Variants in DPF3 observed in about 807,000 individuals in gnomAD.
The protein encoded by DPF3 is zinc finger protein DPF3.
A neutral mutation model predicts 56.8 loss-of-function variants in DPF3; 18 were observed. The observed-to-expected ratio is 0.32, with a 90% CI of 0.22 to 0.47. DPF3 has a LOEUF of 0.47. DPF3 is among the 20% of genes least tolerant of loss of function. The pLI, the probability that DPF3 is intolerant of heterozygous loss-of-function variation, is 1.00. For missense variants in DPF3, 403 were observed against 488.8 expected (o/e 0.82, Z 1.65); for synonymous variants, 188 against 180.2 (o/e 1.04, Z -0.35).
chr14:72,767,421 T>A (rs531619704), intron 2 of DPF3, among the ~76,000 whole-genome samples: 2 of 152,092 alleles, frequency 1.3e-5, no homozygotes, highest in Non-Finnish European at 2.9e-5. Context: ...TAAAACACAT[T>A]CAGCAAAGAA....
rs1365692311 is a variant in DPF3 at position 72,827,114 on chromosome 14, T to C, written c.33-55221A>G. Among the ~76,000 whole-genome samples the C allele has an allele frequency of 2.0e-4, 7 of 34,666 alleles. No homozygotes were observed. In the East Asian group the frequency reaches 7.0e-3, roughly 35 times the overall value. The allele number at this position is 34,666 out of a possible 152,430, so 22.7% of individuals were successfully genotyped here. A position where few individuals can be genotyped will look rare whatever the true frequency, so the allele number is the denominator to read the frequency against. ...TAGTACAATAGCCTCTGCAAACCAC[T>C]GTATAAGTCCAGCTTCTTTTTCCAT... On this transcript the variant is annotated intron_variant, in intron 1 of 10. Transcript: ENST00000556509.
intron 4 of DPF3, among the ~76,000 whole-genome samples, chr14:72,727,378 C>T (rs1479902088): frequency 6.6e-6 from 1 of 152,134 alleles, no homozygotes; most frequent in African/African-American, 2.4e-5. Flanking sequence ...GAGTTCGAGA[C>T]GAGCCTGGCC....
At chr14:72,775,043 C>T (rs1169299093) in intron 1 of DPF3, among the ~76,000 whole-genome samples, 4 of 152,142 alleles carry the variant, frequency 2.6e-5, no homozygotes, top group Non-Finnish European at 5.9e-5. Flanking sequence ...CCAGCCCCCA[C>T]CCATGAAACA....
chr14:72,766,586 G>T (rs1008573132), intron 2 of DPF3, among the ~76,000 whole-genome samples: 3 of 152,052 alleles, frequency 2.0e-5, no homozygotes, highest in Non-Finnish European at 2.9e-5. Flanking sequence ...CAAGTAGCTG[G>T]GACTACAGGC....
chr14:72,875,681 G>A (rs959760372), intron 1 of DPF3, among the ~76,000 whole-genome samples: 2 of 152,186 alleles, frequency 1.3e-5, no homozygotes, highest in Non-Finnish European at 2.9e-5. Context: ...TACAAAGTGT[G>A]CAAAGCTTAC....
chr14:72,840,799 C>A (rs1368468378), intron 1 of DPF3, among the ~76,000 whole-genome samples: 1 of 152,160 alleles, frequency 6.6e-6, no homozygotes, highest in African/African-American at 2.4e-5. Flanking sequence ...ATGTCCTAAC[C>A]AAAGACCATT....
In DPF3 at chr14:72,881,717, GC is replaced by G. The variant is rs1886333817; in HGVS notation, c.32+12339del. Among the ~76,000 whole-genome samples, 3 of 152,250 alleles carry G rather than the reference GC, an allele frequency of 2.0e-5. No homozygotes were observed. In the South Asian group the frequency reaches 6.2e-4, roughly 32 times the overall value. On this transcript the variant is annotated intron_variant, in intron 1 of 10. Coordinates refer to ENST00000556509, the MANE Select transcript of DPF3 (RefSeq NM_001280542.3). ...AGAGTTAATTAAAAGCAATCTCCAT[GC>G]ACTGCTGAGCCGGCCAGCCCTGATA...
intron 1 of DPF3, among the ~76,000 whole-genome samples, chr14:72,798,851 C>T (rs11623819): frequency 0.19 from 29,340 of 152,210 alleles, 3,554 homozygotes; most frequent in East Asian, 0.27. Context: ...TCCACAATGG[C>T]AGAACCAGGT....
At chr14:72,680,916 T>A (rs1254098316) in intron 7 of DPF3, among the ~76,000 whole-genome samples, 1 of 152,220 alleles carries the variant, frequency 6.6e-6, no homozygotes. Context: ...TCAAGCATTA[T>A]AATCAGGTGA....
At chr14:72,672,060 G>GACAC (rs369762823) in intron 8 of DPF3, among the ~76,000 whole-genome samples, 24 of 133,024 alleles carry the variant, frequency 1.8e-4, no homozygotes, top group African/African-American at 5.0e-4. Flanking sequence ...CACACACACA[G>GACAC]ACACACACAC....
intron 6 of DPF3, among the ~76,000 whole-genome samples, chr14:72,712,307 T>C (rs1320325122): frequency 1.3e-5 from 2 of 152,110 alleles, no homozygotes; most frequent in Non-Finnish European, 2.9e-5. Context: ...GCAAGCACTT[T>C]GCAGAAAGAG....
intron 7 of DPF3, chr14:72,675,852 G>T (rs1385699232): frequency 2.0e-5 from 3 of 152,226 alleles, no homozygotes; most frequent in Non-Finnish European, 4.4e-5. Flanking sequence ...GGTCTGTTCA[G>T]TGTAGGCTTG....
intron 8 of DPF3, among the ~76,000 whole-genome samples, chr14:72,654,678 C>T (rs1317971360): frequency 1.3e-5 from 2 of 152,158 alleles, no homozygotes; most frequent in Non-Finnish European, 2.9e-5. Context: ...ATGGCTTTAA[C>T]AAGTTAATAT....
intron 8 of DPF3, among the ~76,000 whole-genome samples, chr14:72,652,328 G>A (rs1364735891): frequency 6.6e-6 from 1 of 152,156 alleles, no homozygotes; most frequent in Non-Finnish European, 1.5e-5. Flanking sequence ...GTGGTGGTGG[G>A]CTGACTCATT....
At chr14:72,843,348 C>G (rs1431918194) in intron 1 of DPF3, among the ~76,000 whole-genome samples, 5 of 151,804 alleles carry the variant, frequency 3.3e-5, no homozygotes, top group Non-Finnish European at 5.9e-5. Context: ...TTTTGCTTCC[C>G]TTAAAAAAAA....
At chr14:72,824,322 T>G (rs2191821) in intron 1 of DPF3, among the ~76,000 whole-genome samples, 84,678 of 151,916 alleles carry the variant, frequency 0.56, 24,358 homozygotes, top group East Asian at 0.88. Context: ...GACTGGGGCT[T>G]CCAGGACTGG....
chr14:72,733,079 G>A (rs1162425544), intron 3 of DPF3, among the ~76,000 whole-genome samples: 1 of 152,076 alleles, frequency 6.6e-6, no homozygotes, highest in African/African-American at 2.4e-5. Flanking sequence ...TTATAGGCAT[G>A]AGCCACCATC....
intron 8 of DPF3, among the ~76,000 whole-genome samples, chr14:72,657,723 G>T (rs1026885583): frequency 1.8e-4 from 27 of 152,154 alleles, no homozygotes; most frequent in African/African-American, 6.5e-4. Flanking sequence ...CTGGCCAACT[G>T]CTTATTTTTG....
At chr14:72,629,526 CAGGGGCCTA>C in intron 9 of DPF3, 89 bp downstream of exon 9, 1 of 1,197,428 alleles carries the variant, frequency 8.4e-7, no homozygotes, top group Non-Finnish European at 1.2e-6. Flanking sequence ...TAACAGGCCC[CAGGGGCCTA>C]GTGACAAGAG....
Sources: gnomAD v4.1 joint callset for allele counts (sites outside exome capture counted in the v4.1 genomes callset) on GRCh38, gnomAD v4.1.1 for gene constraint, MANE v1.5 for transcripts, NCBI Gene and HGNC (gene_info 2026-07-23, HGNC 2026-07-21) for gene names.